The following ZMYND11 variants were observed in gnomAD, a reference collection of about 807,000 sequenced individuals.
ZMYND11 encodes the protein zinc finger MYND domain-containing protein 11.
Under a neutral mutation model 84.9 loss-of-function variants are expected in ZMYND11, and 9 were observed. The ratio of observed to expected loss-of-function variants is 0.11; its 90% confidence interval spans 0.06 to 0.18. The LOEUF (loss-of-function observed/expected upper bound fraction) is 0.18, where lower values mean the gene tolerates loss of function less well. ZMYND11 is among the 10% of genes least tolerant of loss of function. ZMYND11 has a pLI of 1.00. For synonymous variants in ZMYND11, 250 were observed against 244.1 expected (o/e 1.02, Z -0.23); for missense variants, 409 against 761.0 (o/e 0.54, Z 5.44).
At chr10:145,485 A>G (rs1004190466) in intron 1 of ZMYND11, among the ~76,000 whole-genome samples, 26 of 152,152 alleles carry the variant, frequency 1.7e-4, no homozygotes, top group Admixed American at 5.2e-4. Context: ...CGTTTTCTGT[A>G]GAGGTTGTAC....
intron 1 of ZMYND11, among the ~76,000 whole-genome samples, chr10:136,656 T>C (rs1407598258): frequency 2.0e-5 from 3 of 152,122 alleles, no homozygotes; most frequent in East Asian, 1.9e-4. Context: ...CTGGATAGTA[T>C]TGAATATATT....
intron 2 of ZMYND11, among the ~76,000 whole-genome samples, chr10:207,203 G>A (rs1001882736): frequency 1.3e-5 from 2 of 152,164 alleles, no homozygotes; most frequent in Admixed American, 1.3e-4. Flanking sequence ...ATTCCATGGT[G>A]TATATGTGCC....
intron 1 of ZMYND11, among the ~76,000 whole-genome samples, chr10:140,406 T>TA (rs1464989367): frequency 6.6e-6 from 1 of 152,178 alleles, no homozygotes; most frequent in Admixed American, 6.5e-5. Flanking sequence ...ATCCATAGAG[T>TA]TATTTAGTTT....
rs1000803974 is a variant in ZMYND11 at position 175,694 on chromosome 10, T to C, written c.-19-4300T>C. ...AATACATAGCTAGATTTCAGTAAAA[T>C]TGTATTTAGTGTTTATTAAGAGGCA... On this transcript the variant is annotated intron_variant, in intron 1 of 14. Transcript: ENST00000381604. 7.9e-5 allele frequency among the ~76,000 whole-genome samples: 12 copies of C among 152,282 alleles called. No homozygotes were observed. In the South Asian group the frequency reaches 2.3e-3, roughly 29 times the overall value.
At chr10:234,088 T>C (rs1949486505) in intron 4 of ZMYND11, among the ~76,000 whole-genome samples, 1 of 152,236 alleles carries the variant, frequency 6.6e-6, no homozygotes, top group Non-Finnish European at 1.5e-5. Flanking sequence ...TAAGATGTTT[T>C]AGCAATAGTG....
chr10:188,118 TATC>T (rs1377427092), intron 2 of ZMYND11, among the ~76,000 whole-genome samples: 2 of 152,156 alleles, frequency 1.3e-5, no homozygotes, highest in South Asian at 2.1e-4. Flanking sequence ...TTTGAATAGG[TATC>T]ATAATAAACT....
At chr10:158,699 G>A (rs1478735142) in intron 1 of ZMYND11, among the ~76,000 whole-genome samples, 2 of 151,798 alleles carry the variant, frequency 1.3e-5, no homozygotes, top group African/African-American at 4.8e-5. Context: ...GGCATTACAG[G>A]CGTGAGCCAC....
chr10:246,888 G>T lies in ZMYND11; in HGVS notation c.1073G>T (p.Arg358Leu), dbSNP rs769891647. Residue 358 changes from arginine to leucine, a missense_variant, in exon 11 of 15, where the codon CGA becomes CTA. By Grantham distance (102) the Arg-to-Leu change is moderately radical. Coordinates refer to ENST00000381604, the MANE Select transcript of ZMYND11 (RefSeq NM_001370100.5). ...DELELHQRFL[R>L]EGRFWKSKNE... ...CTGGAGCTGCATCAGCGTTTCCTACGAGAAGGGAGATTTTGGAAATCTAAG... is the reference window on the plus strand; with the variant it reads ...CTGGAGCTGCATCAGCGTTTCCTACTAGAAGGGAGATTTTGGAAATCTAAG... The T allele has an allele frequency of 6.2e-7, 1 of 1,613,890 alleles. No homozygotes were observed. Among genetic ancestry groups the T allele is most frequent in the Non-Finnish European group, 8.5e-7 (1 of 1,179,966 alleles).
chr10:178,250 G>T (rs1564324005), intron 1 of ZMYND11, among the ~76,000 whole-genome samples: 1 of 152,326 alleles, frequency 6.6e-6, no homozygotes, highest in East Asian at 1.9e-4. Flanking sequence ...TTCTTGGCAA[G>T]GGTCGCCGTT....
chr10:191,184 A>T (rs1392783608), intron 2 of ZMYND11, among the ~76,000 whole-genome samples: 2 of 152,216 alleles, frequency 1.3e-5, no homozygotes, highest in African/African-American at 4.8e-5. Flanking sequence ...TGTGTGAGTT[A>T]TGTTGTGATG....
At chr10:136,899 G>T (rs1478069146) in intron 1 of ZMYND11, among the ~76,000 whole-genome samples, 1 of 152,082 alleles carries the variant, frequency 6.6e-6, no homozygotes, top group Non-Finnish European at 1.5e-5. Flanking sequence ...TATGCGGTGT[G>T]TATGCAGTAT....
At chr10:158,816 C>G (rs1396072072) in intron 1 of ZMYND11, among the ~76,000 whole-genome samples, 4 of 151,950 alleles carry the variant, frequency 2.6e-5, no homozygotes, top group African/African-American at 7.3e-5. Flanking sequence ...TAATGTTAAG[C>G]ATCTTTTTAT....
At chr10:175,555 G>A (rs1846418306) in intron 1 of ZMYND11, among the ~76,000 whole-genome samples, 1 of 152,072 alleles carries the variant, frequency 6.6e-6, no homozygotes, top group African/African-American at 2.4e-5. Flanking sequence ...GGTGACAAGA[G>A]CGAAACTCCG....
chr10:131,766 G>A (rs1200505915), upstream of ZMYND11, among the ~76,000 whole-genome samples: 4 of 151,806 alleles, frequency 2.6e-5, no homozygotes, highest in Non-Finnish European at 4.4e-5. Flanking sequence ...GGCCCCAAGT[G>A]TACCTCCCGC....
At chr10:233,278 G>C (rs903377183) in intron 4 of ZMYND11, among the ~76,000 whole-genome samples, 1 of 152,192 alleles carries the variant, frequency 6.6e-6, no homozygotes, top group Admixed American at 6.5e-5. Flanking sequence ...TTGAAGAACA[G>C]ACAAGGGCGT....
At chr10:241,190 T>G (rs953214356) in intron 9 of ZMYND11, among the ~76,000 whole-genome samples, 2 of 152,148 alleles carry the variant, frequency 1.3e-5, no homozygotes, top group Admixed American at 1.3e-4. Flanking sequence ...TCCTTTTTCT[T>G]TTTGAGACAG....
At chr10:230,427 C>G (rs57072612) in intron 4 of ZMYND11, among the ~76,000 whole-genome samples, 2 of 129,164 alleles carry the variant, frequency 1.5e-5, no homozygotes, top group African/African-American at 5.9e-5. Context: ...GAGTTGAGAT[C>G]GCACCACTGC....
At chr10:137,410 C>T (rs1376221256) in intron 1 of ZMYND11, among the ~76,000 whole-genome samples, 2 of 152,148 alleles carry the variant, frequency 1.3e-5, no homozygotes, top group African/African-American at 4.8e-5. Context: ...TAAGCTGAGT[C>T]ATATGGAGGC....
In ZMYND11 at chr10:243,944, T is replaced by A. The variant is rs1951590439; in HGVS notation, c.950+1805T>A. On this transcript the variant is annotated intron_variant, in intron 10 of 14. Transcript: ENST00000381604. ...CACCTGAAGAGAGAATTAGGAAACA[T>A]CAGATTACATTTTCAGAGGTATTTT... 2.0e-5 allele frequency among the ~76,000 whole-genome samples: 3 copies of A among 152,172 alleles called. No individual in the cohort carries two copies. The South Asian group carries it at 6.2e-4, about 32-fold the overall frequency.
Sources: allele counts gnomAD v4.1 joint callset (sites outside exome capture counted in the v4.1 genomes callset), GRCh38; gene constraint gnomAD v4.1.1; transcripts MANE v1.5; gene names NCBI Gene and HGNC (gene_info 2026-07-23, HGNC 2026-07-21).